The following SPAG6 variants were observed in gnomAD, a reference collection of about 807,000 sequenced individuals.
SPAG6 encodes sperm associated antigen 6.
In SPAG6, 49 loss-of-function variants were observed where a neutral mutation model predicts 58.5. The observed-to-expected ratio is 0.84, with a 90% CI of 0.67 to 1.06. SPAG6 has a LOEUF of 1.06. Ranked by LOEUF, SPAG6 falls within the 50% of genes least tolerant of loss-of-function variation. SPAG6 has a pLI of 0.00. For synonymous variants in SPAG6, 233 were observed against 225.6 expected (o/e 1.03, Z -0.29); for missense variants, 560 against 611.3 (o/e 0.92, Z 0.89).
At chr10:22,377,572 C>T (rs994733185) in intron 4 of SPAG6, among the ~76,000 whole-genome samples, 34 of 152,164 alleles carry the variant, frequency 2.2e-4, no homozygotes, top group African/African-American at 8.2e-4. Flanking sequence ...GGCATATTTG[C>T]TCAGTGGGAT....
rs1256927867 is a variant in SPAG6, at chr10:22,403,961, C to T, written c.1314+2684C>T. On this transcript the variant is annotated intron_variant, in intron 9 of 10. Transcript: ENST00000376624. ...TTGAGAAGTGTCTCTTCATGTCCTT[C>T]GCCCACTTTTTGATGGGGTTGTTTG... 1.2e-4 allele frequency among the ~76,000 whole-genome samples: 18 copies of T among 151,094 alleles called. No homozygotes were observed. In the South Asian group the frequency reaches 1.7e-3, roughly 14 times the overall value.
chr10:22,345,734 TACCAGA>T lies in SPAG6; in HGVS notation c.39_44del (p.Tyr13_Lys15delinsTer). ...TCTCTCTCCCGCAGTGTTCGAGCAA[TACCAGA>T]AGGCCAGGACCCAGTTCGTGCAGAT... On this transcript the variant is annotated stop_gained and inframe_deletion, in exon 2 of 11. Transcript: ENST00000376624. LOFTEE classifies it high-confidence loss of function. The surrounding 1 kb of genome is among the most constrained non-coding windows in gnomAD (Gnocchi z 6.3). 8 of 1,612,878 alleles carry T rather than the reference TACCAGA, an allele frequency of 5.0e-6. No individual in the cohort carries two copies. The highest frequency in any genetic ancestry group is 5.9e-6 in the Non-Finnish European group (7 of 1,179,534).
At chr10:22,367,801 A>G (rs1837239247) in intron 3 of SPAG6, among the ~76,000 whole-genome samples, 1 of 152,196 alleles carries the variant, frequency 6.6e-6, no homozygotes, top group Non-Finnish European at 1.5e-5. Flanking sequence ...GGAAATATAA[A>G]TATGAAGCAG....
chr10:22,371,912 T>G (rs1346768251), intron 4 of SPAG6, among the ~76,000 whole-genome samples: 2 of 149,392 alleles, frequency 1.3e-5, no homozygotes, highest in Admixed American at 6.7e-5. Context: ...AATGGTGGGG[T>G]TTTTTTTTTC....
At chr10:22,398,993 A>G (rs1253831669) in intron 8 of SPAG6, among the ~76,000 whole-genome samples, 3 of 151,798 alleles carry the variant, frequency 2.0e-5, no homozygotes, top group Non-Finnish European at 4.4e-5. Context: ...TAATTTTTGT[A>G]TTTTCAATAG....
chr10:22,364,871 G>A lies in SPAG6; in HGVS notation c.140G>A (p.Arg47Lys), dbSNP rs765077009. The change falls in exon 3 of 11, where the codon AGA becomes AAA. Residue 47 changes from arginine to lysine, a missense_variant. Physicochemically the swap from Arg to Lys is conservative, Grantham distance 26. Coordinates refer to ENST00000376624, the MANE Select transcript of SPAG6 (RefSeq NM_012443.4). ...LQNAGVMSLL[R>K]TLLLDVVPTI... is the part of the protein sequence containing the mutation. The stretch of plus-strand genomic sequence containing the variant: ...AACTCAGGTGTAATGTCTTTGCTGA[G>A]AACTCTTCTTCTGGACGTGGTCCCA... 1 of 1,608,230 alleles carries A rather than the reference G, an allele frequency of 6.2e-7. No individual in the cohort carries two copies. The highest frequency in any genetic ancestry group is 1.7e-5 in the Admixed American group (1 of 58,536).
At chr10:22,387,719 T>C in intron 5 of SPAG6, 104 bp from the exon 6 acceptor site, 2 of 1,144,106 alleles carry the variant, frequency 1.7e-6, no homozygotes, top group Non-Finnish European at 2.3e-6. Flanking sequence ...TTTTTCCTTT[T>C]ATAAAGGAAT....
In SPAG6 at chr10:22,389,154, G is replaced by A. The variant is rs200763963; in HGVS notation, c.853-6G>A. 2.0e-5 allele frequency: 33 copies of A among 1,612,358 alleles called. No homozygotes were observed. The highest frequency in any genetic ancestry group is 4.0e-5 in the African/African-American group (3 of 74,926). On this transcript the variant is annotated splice_polypyrimidine_tract_variant and splice_region_variant and intron_variant, in intron 6 of 10. Coordinates refer to ENST00000376624, the MANE Select transcript of SPAG6 (RefSeq NM_012443.4). The stretch of plus-strand genomic sequence containing the variant: ...TGGTGATCTAACTCTTGTTCCCATC[G>A]CTTAGCTTTCACAGCTGGTAGTTAA...
chr10:22,353,870 A>G (rs1836794929), intron 2 of SPAG6, among the ~76,000 whole-genome samples: 1 of 152,222 alleles, frequency 6.6e-6, no homozygotes. Context: ...ATTTCCTAGG[A>G]GTTAGCCAGA....
chr10:22,392,399 A>T (rs2132089208), intron 8 of SPAG6, among the ~76,000 whole-genome samples: 1 of 152,236 alleles, frequency 6.6e-6, no homozygotes, highest in East Asian at 1.9e-4. Context: ...TTGTTTCTTT[A>T]AAAAATTGTC....
intron 2 of SPAG6, among the ~76,000 whole-genome samples, chr10:22,346,902 AC>A (rs1836575051): frequency 6.6e-6 from 1 of 152,214 alleles, no homozygotes; most frequent in Non-Finnish European, 1.5e-5. Context: ...AAGGGATAAT[AC>A]AGAGAGATCC....
At chr10:22,354,773 G>T (rs1242930550) in intron 2 of SPAG6, among the ~76,000 whole-genome samples, 3 of 152,166 alleles carry the variant, frequency 2.0e-5, no homozygotes, top group African/African-American at 7.2e-5. Flanking sequence ...ATTTTGGGAG[G>T]CTGAGTTGGG....
chr10:22,408,994 C>T (rs1834643539), intron 9 of SPAG6, among the ~76,000 whole-genome samples: 1 of 152,182 alleles, frequency 6.6e-6, no homozygotes, highest in Admixed American at 6.5e-5. Flanking sequence ...CCTGCTTCGG[C>T]TCGCGCACCC....
chr10:22,387,838 G>T lies in SPAG6; in HGVS notation c.694G>T (p.Ala232Ser). 1 of 1,611,188 alleles carries T rather than the reference G, an allele frequency of 6.2e-7. No individual in the cohort carries two copies. Among genetic ancestry groups the T allele is most frequent in the Non-Finnish European group, 8.5e-7 (1 of 1,179,056 alleles). Reference protein sequence around the residue: ...DAKLKHQILSALSQVSKHSVD... With the variant: ...DAKLKHQILSSLSQVSKHSVD... ...TGCTTCACAGCATCAGATCCTTTCAGCTCTCAGTCAGGTTTCAAAACATTC... is the reference window on the plus strand; with the variant it reads ...TGCTTCACAGCATCAGATCCTTTCATCTCTCAGTCAGGTTTCAAAACATTC... The change falls in exon 6 of 11, where the codon GCT becomes TCT. Residue 232 changes from alanine to serine, a missense_variant. Transcript: ENST00000376624.
At chr10:22,401,375 G>A (rs1406156673) in intron 9 of SPAG6, 98 bp downstream of exon 9, 1 of 692,088 alleles carries the variant, frequency 1.4e-6, no homozygotes, top group Non-Finnish European at 2.6e-6. Context: ...GTAACACGGG[G>A]TCATGGTTTT....
chr10:22,347,746 T>C (rs552545891), intron 2 of SPAG6, among the ~76,000 whole-genome samples: 11 of 152,352 alleles, frequency 7.2e-5, no homozygotes, highest in African/African-American at 2.4e-4. Context: ...TCTACACTTA[T>C]GGTCTGGCTT....
chr10:22,380,071 G>A lies in SPAG6; in HGVS notation c.473-6683G>A, dbSNP rs572123768. 1.3e-4 allele frequency among the ~76,000 whole-genome samples: 19 copies of A among 151,984 alleles called. No homozygotes were observed. In the South Asian group the frequency reaches 2.9e-3, roughly 23 times the overall value. ...GGCCTCCCAAAGTGCTGGGACTACC[G>A]GAGTGAGGCACTGCGCCTGGCCAAC... is the stretch of plus-strand genomic sequence containing the variant. On this transcript the variant is annotated intron_variant, in intron 4 of 10. Coordinates refer to ENST00000376624, the MANE Select transcript of SPAG6 (RefSeq NM_012443.4).
chr10:22,416,567 C>A, intron 10 of SPAG6, 52 bp from the exon 11 acceptor site: 1 of 1,059,048 alleles, frequency 9.4e-7, no homozygotes, highest in African/African-American at 1.6e-5. Context: ...ATCTTATGTG[C>A]CTGCTGTGTT....
At chr10:22,405,545 T>G (rs1198966686) in intron 9 of SPAG6, among the ~76,000 whole-genome samples, 25 of 150,168 alleles carry the variant, frequency 1.7e-4, no homozygotes, top group Non-Finnish European at 1.5e-5. Flanking sequence ...TTGCCAGTAT[T>G]TTATTGAGGA....
Sources: gnomAD v4.1 joint callset for allele counts (sites outside exome capture counted in the v4.1 genomes callset) on GRCh38, gnomAD v4.1.1 for gene constraint, Gnocchi (gnomAD v3.1) non-coding constraint, MANE v1.5 for transcripts, NCBI Gene and HGNC (gene_info 2026-07-23, HGNC 2026-07-21) for gene names.